SLCO5A1: variants seen among roughly 807,000 people sequenced by gnomAD.
The protein encoded by SLCO5A1 is organic anion transporter polypeptide-related protein 4.
In SLCO5A1, 39 loss-of-function variants were observed where a neutral mutation model predicts 65.1. That is an observed-to-expected ratio of 0.60 (90% CI 0.46 to 0.78). SLCO5A1 has a LOEUF of 0.78. SLCO5A1 is among the 30% of genes least tolerant of loss of function. SLCO5A1 has a pLI of 0.00. For synonymous variants in SLCO5A1, 438 were observed against 415.7 expected (o/e 1.05, Z -0.65); for missense variants, 1,029 against 1,069.4 (o/e 0.96, Z 0.53).
chr8:69,717,738 T>C (rs867830473), intron 5 of SLCO5A1, among the ~76,000 whole-genome samples: 2 of 152,236 alleles, frequency 1.3e-5, no homozygotes, highest in Non-Finnish European at 2.9e-5. Context: ...GAACATGCAA[T>C]GTCTTTTCAT....
chr8:69,784,864 G>GAAAGAAAGAAAGAAAGA (rs1563722860), intron 2 of SLCO5A1, among the ~76,000 whole-genome samples: 16 of 44,892 alleles, frequency 3.6e-4, no homozygotes, highest in South Asian at 7.8e-4. Flanking sequence ...AGAAAGAAAG[G>GAAAGAAAGAAAGAAAGA]GAAGGAAGGA....
At chr8:69,738,963 C>T (rs1004029230) in intron 4 of SLCO5A1, among the ~76,000 whole-genome samples, 1 of 151,890 alleles carries the variant, frequency 6.6e-6, no homozygotes, top group Non-Finnish European at 1.5e-5. Context: ...ATTTATAATA[C>T]CAAAAATGTA....
At chr8:69,682,522 A>G (rs1033169580) in intron 6 of SLCO5A1, among the ~76,000 whole-genome samples, 179 bp from the exon 7 acceptor site, 4 of 152,250 alleles carry the variant, frequency 2.6e-5, no homozygotes, top group Non-Finnish European at 1.5e-5. Context: ...CAAAACATAA[A>G]GAAAAATGTT....
chr8:69,714,562 G>A (rs1815427350), intron 5 of SLCO5A1, among the ~76,000 whole-genome samples: 1 of 152,210 alleles, frequency 6.6e-6, no homozygotes, highest in Non-Finnish European at 1.5e-5. Flanking sequence ...GACAGAAGTA[G>A]ACTTCATCAG....
intron 8 of SLCO5A1, among the ~76,000 whole-genome samples, chr8:69,677,349 A>T (rs1041009771): frequency 2.6e-5 from 4 of 152,232 alleles, no homozygotes; most frequent in African/African-American, 7.2e-5. Context: ...GTTAGAAGCC[A>T]ACTGGCGATT....
At chr8:69,764,019 C>T (rs979087053) in intron 2 of SLCO5A1, among the ~76,000 whole-genome samples, 4 of 152,144 alleles carry the variant, frequency 2.6e-5, no homozygotes, top group Admixed American at 6.5e-5. Context: ...CACCTGCCAT[C>T]GCACCGGGCT....
intron 5 of SLCO5A1, among the ~76,000 whole-genome samples, chr8:69,720,444 G>C (rs982550344): frequency 3.3e-5 from 5 of 152,202 alleles, no homozygotes; most frequent in African/African-American, 1.2e-4. Context: ...CCAAAATGAA[G>C]ACTATGCAAG....
At chr8:69,787,698 A>C (rs149655458) in intron 2 of SLCO5A1, among the ~76,000 whole-genome samples, 116 of 152,352 alleles carry the variant, frequency 7.6e-4, no homozygotes, top group African/African-American at 2.7e-3. Context: ...CTTTGCCATC[A>C]TGTGAGTTAT....
intron 2 of SLCO5A1, among the ~76,000 whole-genome samples, chr8:69,778,319 G>A (rs749697438): frequency 6.6e-5 from 10 of 151,442 alleles, no homozygotes; most frequent in Non-Finnish European, 8.8e-5. Flanking sequence ...TTTATTTTAT[G>A]TCAATTTTAT....
At chr8:69,710,437 A>G (rs1184559842) in intron 5 of SLCO5A1, among the ~76,000 whole-genome samples, 1 of 152,084 alleles carries the variant, frequency 6.6e-6, no homozygotes, top group Non-Finnish European at 1.5e-5. Context: ...CCCAGCCCCA[A>G]GCTGGGCCCT....
intron 2 of SLCO5A1, among the ~76,000 whole-genome samples, chr8:69,825,148 C>A (rs200916456): frequency 8.9e-4 from 135 of 152,130 alleles, no homozygotes; most frequent in African/African-American, 2.8e-3. Context: ...AGAGCTATCT[C>A]TGACAAACCC....
chr8:69,766,422 G>T (rs748564618), intron 2 of SLCO5A1, among the ~76,000 whole-genome samples: 2 of 152,128 alleles, frequency 1.3e-5, no homozygotes, highest in Non-Finnish European at 2.9e-5. Context: ...CTAGGCTCCA[G>T]TCATACTGGT....
intron 5 of SLCO5A1, among the ~76,000 whole-genome samples, chr8:69,708,932 C>T (rs1447195122): frequency 6.6e-6 from 1 of 151,980 alleles, no homozygotes; most frequent in East Asian, 1.9e-4. Flanking sequence ...AACCAAGAAA[C>T]CAAGGAGAGA....
chr8:69,700,805 T>G (rs1172845067), intron 6 of SLCO5A1, among the ~76,000 whole-genome samples: 1 of 151,492 alleles, frequency 6.6e-6, no homozygotes, highest in African/African-American at 2.4e-5. Flanking sequence ...AATGTAACGG[T>G]GTGTATGTGT....
At chr8:69,739,322 C>T (rs370891295) in intron 4 of SLCO5A1, among the ~76,000 whole-genome samples, 1 of 152,076 alleles carries the variant, frequency 6.6e-6, no homozygotes, top group African/African-American at 2.4e-5. Flanking sequence ...TACCTATCCA[C>T]ATTTAAAGAT....
rs910577702 is a variant in SLCO5A1 at position 69,677,507 on chromosome 8, C to A, written c.2025-834G>T. On this transcript the variant is annotated intron_variant, in intron 8 of 9. Transcript: ENST00000260126. ...CTGCAGTACCTTAACCTCTCCATCA[C>A]ATACCCATGAGAGTATGGTATATAA... Among the ~76,000 whole-genome samples the A allele has an allele frequency of 7.9e-5, 12 of 152,356 alleles. 1 individual carries two copies. The highest frequency in any genetic ancestry group is 5.8e-4 in the East Asian group (3 of 5,188).
At chr8:69,691,244 A>G (rs1296217784) in intron 6 of SLCO5A1, among the ~76,000 whole-genome samples, 1 of 152,138 alleles carries the variant, frequency 6.6e-6, no homozygotes, top group Non-Finnish European at 1.5e-5. Flanking sequence ...TAATTATGTG[A>G]GTTGGAAATG....
chr8:69,701,567 T>C (rs1391276273), intron 6 of SLCO5A1, among the ~76,000 whole-genome samples: 2 of 152,202 alleles, frequency 1.3e-5, no homozygotes, highest in Non-Finnish European at 1.5e-5. Flanking sequence ...AGACATTCCT[T>C]CCTATGGATC....
chr8:69,705,267 T>C (rs775499885), intron 5 of SLCO5A1, 38 bp from the exon 6 acceptor site: 2 of 1,587,436 alleles, frequency 1.3e-6, no homozygotes, highest in Admixed American at 1.7e-5. Context: ...TTTGAACTCA[T>C]GTACACTATT....
Sources: allele counts gnomAD v4.1 joint callset (sites outside exome capture counted in the v4.1 genomes callset), GRCh38; gene constraint gnomAD v4.1.1; transcripts MANE v1.5; gene names NCBI Gene and HGNC (gene_info 2026-07-23, HGNC 2026-07-21).